ANKRD12: variants seen among roughly 807,000 people sequenced by gnomAD.
The protein encoded by ANKRD12 is ankyrin repeat domain-containing protein 12.
ANKRD12 carries 85 observed loss-of-function variants against 183.4 expected under a neutral mutation model. That is an observed-to-expected ratio of 0.46 (90% CI 0.39 to 0.56). The LOEUF (loss-of-function observed/expected upper bound fraction) is 0.56, where lower values mean the gene tolerates loss of function less well. Ranked by LOEUF, ANKRD12 falls within the 20% of genes least tolerant of loss-of-function variation. The pLI, the probability that ANKRD12 is intolerant of heterozygous loss-of-function variation, is 0.00. For synonymous variants in ANKRD12, 914 were observed against 800.2 expected (o/e 1.14, Z -2.40); for missense variants, 2,405 against 2,357.1 (o/e 1.02, Z -0.42).
chr18:9,231,706 T>A (rs774878941), intron 8 of ANKRD12, among the ~76,000 whole-genome samples: 3 of 150,850 alleles, frequency 2.0e-5, no homozygotes, highest in South Asian at 2.1e-4. Context: ...GCGCCTGTAG[T>A]CCCAGCTACT....
At position 9,258,727 on chromosome 18, in the gene ANKRD12, A is replaced by G; in HGVS notation, c.5460A>G (p.Leu1820=). The change falls in exon 9 of 13, where the codon CTA becomes CTG. Residue 1820 remains leucine (L), a synonymous_variant. Coordinates refer to ENST00000262126, the MANE Select transcript of ANKRD12 (RefSeq NM_015208.5). ...CTCTGGCAGCCATTGTAGATTCTCT[A>G]AAACTAGATGAGATTCAGCCATACA... ...QQSLAAIVDS[L]KLDEIQPYSS... 1 of 1,613,930 alleles carries G rather than the reference A, an allele frequency of 6.2e-7. No homozygotes were observed. Among genetic ancestry groups the G allele is most frequent in the Admixed American group, 1.7e-5 (1 of 59,972 alleles).
chr18:9,262,211 C>G (rs1173192937), intron 9 of ANKRD12, among the ~76,000 whole-genome samples: 3 of 152,070 alleles, frequency 2.0e-5, no homozygotes, highest in African/African-American at 7.2e-5. Flanking sequence ...TTACATGATT[C>G]CTGTGGCACT....
chr18:9,276,634 A>G (rs1482228223), intron 11 of ANKRD12, among the ~76,000 whole-genome samples: 8 of 152,108 alleles, frequency 5.3e-5, no homozygotes, highest in Non-Finnish European at 1.2e-4. Flanking sequence ...GGATCTGTTG[A>G]GCCTGGCAGG....
chr18:9,282,129 T>C lies in ANKRD12; in HGVS notation c.*1003T>C, dbSNP rs565270479. ...AAATTGTAAATGTCTATTTTAATAT[T>C]CACCTATGAAAGAATCTGTGAATAT... On this transcript the variant is annotated 3_prime_UTR_variant, in exon 13 of 13. Transcript: ENST00000262126. 1 of 152,740 alleles carries C rather than the reference T, an allele frequency of 6.5e-6. No individual in the cohort carries two copies. Among genetic ancestry groups the C allele is most frequent in the Admixed American group, 6.5e-5 (1 of 15,304 alleles). 9.5% of individuals were successfully genotyped at this position (152,740 alleles called of 1,614,324 possible). A position where few individuals can be genotyped will look rare whatever the true frequency, so the allele number is the denominator to read the frequency against.
At position 9,179,192 on chromosome 18, in the gene ANKRD12, A is replaced by G. The variant is rs957221340; in HGVS notation, c.-51-3190A>G. Reference sequence around the variant, plus strand: ...TCTTTGTAGATATCTTTGCTTGTCTACATAGATTATCATGGTATCTGGAAA... The same window carrying G: ...TCTTTGTAGATATCTTTGCTTGTCTGCATAGATTATCATGGTATCTGGAAA... On this transcript the variant is annotated intron_variant, in intron 1 of 12. Transcript: ENST00000262126. 3.9e-5 allele frequency among the ~76,000 whole-genome samples: 6 copies of G among 152,242 alleles called. No homozygotes were observed. The South Asian group carries it at 1.0e-3, about 26-fold the overall frequency.
chr18:9,166,817 C>G (rs566510684), intron 1 of ANKRD12, among the ~76,000 whole-genome samples: 1 of 152,258 alleles, frequency 6.6e-6, no homozygotes, highest in African/African-American at 2.4e-5. Context: ...AATGGTATTG[C>G]CTAGCTTTTC....
chr18:9,222,753 T>G (rs1327692434), intron 8 of ANKRD12, among the ~76,000 whole-genome samples: 2 of 152,198 alleles, frequency 1.3e-5, no homozygotes, highest in African/African-American at 4.8e-5. Context: ...ATTTATAGTT[T>G]TGAGGCAGAA....
intron 9 of ANKRD12, among the ~76,000 whole-genome samples, chr18:9,262,407 T>C (rs1036118650): frequency 1.3e-5 from 2 of 152,170 alleles, no homozygotes; most frequent in African/African-American, 2.4e-5. Flanking sequence ...AGAGTAGGGA[T>C]CACAGATGGT....
At chr18:9,171,041 C>G (rs879984495) in intron 1 of ANKRD12, among the ~76,000 whole-genome samples, 4 of 152,162 alleles carry the variant, frequency 2.6e-5, no homozygotes, top group African/African-American at 4.8e-5. Context: ...ACCGCAAATG[C>G]TGCTGCCTGA....
chr18:9,256,301 C>G lies in ANKRD12; in HGVS notation c.3034C>G (p.Pro1012Ala). 1 of 1,598,798 alleles carries G rather than the reference C, an allele frequency of 6.3e-7. No homozygotes were observed. The highest frequency in any genetic ancestry group is 1.1e-5 in the South Asian group (1 of 87,632). ...EKTKDEPLKT[P>A]DGKEKDKKDK... ...AACAAAAGATGAACCTTTGAAAACTCCAGATGGAAAAGAAAAAGATAAAAA... is the reference window on the plus strand; with the variant it reads ...AACAAAAGATGAACCTTTGAAAACTGCAGATGGAAAAGAAAAAGATAAAAA... Residue 1012 changes from proline to alanine, a missense_variant, in exon 9 of 13, where the codon CCA becomes GCA. Transcript: ENST00000262126.
Position 9,146,669 on chromosome 18 carries a change from A to T in ANKRD12, c.-52+9704A>T, listed in dbSNP as rs1382918957. The stretch of plus-strand genomic sequence containing the variant: ...CTCTGTTCTGGTCCCTCATTACCAT[A>T]TTTCTCCTTCTCATCAACATGCTTT... On this transcript the variant is annotated intron_variant, in intron 1 of 12. Transcript: ENST00000262126. Among the ~76,000 whole-genome samples, 4 of 152,150 alleles carry T rather than the reference A, an allele frequency of 2.6e-5. No individual in the cohort carries two copies. The East Asian group carries it at 7.7e-4, about 29-fold the overall frequency.
At chr18:9,242,881 C>T (rs1233616277) in intron 8 of ANKRD12, among the ~76,000 whole-genome samples, 2 of 152,076 alleles carry the variant, frequency 1.3e-5, no homozygotes, top group African/African-American at 4.8e-5. Context: ...TATAGTAATA[C>T]AATGAAAATA....
At position 9,254,822 on chromosome 18, in the gene ANKRD12, G is replaced by A; in HGVS notation, c.1555G>A (p.Gly519Arg). The A allele has an allele frequency of 6.7e-7, 1 of 1,482,906 alleles. No individual in the cohort carries two copies. Among genetic ancestry groups the A allele is most frequent in the Admixed American group, 2.5e-5 (1 of 40,298 alleles). The allele number at this position is 1,482,906 out of a possible 1,614,324, so 91.9% of individuals were successfully genotyped here. ...TTGTTCAGAAAAGACCAGAGAGGAG[G>A]GGAACTTTAGGAAATCTTTTAGCCC... ...LDCSEKTREE[G>R]NFRKSFSPKD... The change falls in exon 9 of 13, where the codon GGG becomes AGG. Residue 519 changes from glycine to arginine, a missense_variant. Gly to Arg is a moderately radical substitution (Grantham distance 125, BLOSUM62 -2). Transcript: ENST00000262126.
At chr18:9,229,310 T>G (rs956539164) in intron 8 of ANKRD12, among the ~76,000 whole-genome samples, 1 of 152,210 alleles carries the variant, frequency 6.6e-6, no homozygotes, top group African/African-American at 2.4e-5. Context: ...TTATGGATTG[T>G]TTTTTCTATT....
intron 2 of ANKRD12, among the ~76,000 whole-genome samples, chr18:9,193,967 C>T (rs1239061750): frequency 6.6e-6 from 1 of 152,030 alleles, no homozygotes; most frequent in Non-Finnish European, 1.5e-5. Context: ...CCTGATTGGG[C>T]GAGTACTTAG....
intron 1 of ANKRD12, among the ~76,000 whole-genome samples, chr18:9,178,492 TC>T: frequency 8.2e-6 from 1 of 121,786 alleles, no homozygotes. Context: ...TCCGTTCTGT[TC>T]CGTTAATCTA....
rs1232862801 is a variant in ANKRD12 at position 9,256,804 on chromosome 18, T to G, written c.3537T>G (p.Ser1179=). The G allele has an allele frequency of 6.2e-7, 1 of 1,614,060 alleles. No individual in the cohort carries two copies. Among genetic ancestry groups the G allele is most frequent in the South Asian group, 1.1e-5 (1 of 91,072 alleles). Residue 1179 remains serine, a synonymous_variant, in exon 9 of 13, where the codon TCT becomes TCG. Transcript: ENST00000262126. ...ATGTAATGACTTTAGGGAAGTCATC[T>G]TTTGTTTCAGATAATAGCTTAAACA... The part of the protein sequence containing the change: ...TKNVMTLGKS[S]FVSDNSLNRS...
chr18:9,226,657 A>G (rs2036731960), intron 8 of ANKRD12, among the ~76,000 whole-genome samples: 1 of 152,012 alleles, frequency 6.6e-6, no homozygotes, highest in African/African-American at 2.4e-5. Flanking sequence ...ACCAGTGATT[A>G]TATGGTAGAG....
At chr18:9,203,485 A>G (rs1176385751) in intron 3 of ANKRD12, among the ~76,000 whole-genome samples, 4 of 152,226 alleles carry the variant, frequency 2.6e-5, no homozygotes, top group African/African-American at 9.6e-5. Context: ...AAATATATTT[A>G]TAAGTAAAAA....
Sources: gnomAD v4.1 joint callset for allele counts (sites outside exome capture counted in the v4.1 genomes callset) on GRCh38, gnomAD v4.1.1 for gene constraint, MANE v1.5 for transcripts, NCBI Gene and HGNC (gene_info 2026-07-23, HGNC 2026-07-21) for gene names.